The following TGFBR2 variants were observed in gnomAD, a reference collection of about 807,000 sequenced individuals.
The protein encoded by TGFBR2 is transforming growth factor beta receptor 2, also known as TGF-beta receptor type-2.
In TGFBR2, 18 loss-of-function variants were observed where a neutral mutation model predicts 49.0. The ratio of observed to expected loss-of-function variants is 0.37; its 90% CI spans 0.25 to 0.54. The LOEUF is 0.54. Ranked by LOEUF, TGFBR2 falls within the 20% of genes least tolerant of loss-of-function variation. The probability of loss-of-function intolerance (pLI) is 0.85; values close to 1 mark genes in which losing one functional copy is unlikely to be tolerated. For synonymous variants in TGFBR2, 282 were observed against 275.9 expected (o/e 1.02, Z -0.22); for missense variants, 525 against 722.6 (o/e 0.73, Z 3.13).
At chr3:30,681,160 GAAAA>G (rs55729736) in intron 5 of TGFBR2, among the ~76,000 whole-genome samples, 14 of 82,964 alleles carry the variant, frequency 1.7e-4, no homozygotes, top group South Asian at 7.2e-4. Flanking sequence ...CTTGTGAGAT[GAAAA>G]AAAAAAAAAA....
chr3:30,618,556 C>T (rs1467879272), intron 1 of TGFBR2, among the ~76,000 whole-genome samples: 1 of 152,124 alleles, frequency 6.6e-6, no homozygotes, highest in Non-Finnish European at 1.5e-5. Flanking sequence ...ATTTCTATAT[C>T]GAACTCACTG....
At chr3:30,658,911 C>T (rs959174287) in intron 3 of TGFBR2, among the ~76,000 whole-genome samples, 1 of 152,192 alleles carries the variant, frequency 6.6e-6, no homozygotes, top group Non-Finnish European at 1.5e-5. Flanking sequence ...ACTCTGTGTA[C>T]TGATCGCATG....
chr3:30,617,272 A>T (rs1698149718), intron 1 of TGFBR2, among the ~76,000 whole-genome samples: 1 of 152,196 alleles, frequency 6.6e-6, no homozygotes, highest in Non-Finnish European at 1.5e-5. Context: ...GAGTTTGCAG[A>T]CACTTGTTAG....
Position 30,628,567 on chromosome 3 carries a change from A to G in TGFBR2, c.95-16180A>G, listed in dbSNP as rs140004678. 5.1e-3 allele frequency among the ~76,000 whole-genome samples: 389 copies of G among 76,948 alleles called. 3 individuals carry two copies. Among genetic ancestry groups the G allele is most frequent in the Middle Eastern group, 0.027 (2 of 74 alleles). The allele number at this position is 76,948 out of a possible 152,430, so 50.5% of individuals were successfully genotyped here. On this transcript the variant is annotated intron_variant, in intron 1 of 6. Coordinates refer to ENST00000295754, the MANE Select transcript of TGFBR2 (RefSeq NM_003242.6). The stretch of plus-strand genomic sequence containing the variant: ...TTTTTTTTTTTTCTCTAAAATGTTA[A>G]TTTCCTTTCTTTAGGCTTGTGTGGG...
intron 3 of TGFBR2, among the ~76,000 whole-genome samples, chr3:30,655,865 C>A (rs140043100): frequency 4.2e-4 from 64 of 152,334 alleles, no homozygotes; most frequent in Non-Finnish European, 7.6e-4. Context: ...AAGACACATA[C>A]CTCTTCTGAA....
At chr3:30,642,988 T>C (rs1698671814) in intron 1 of TGFBR2, among the ~76,000 whole-genome samples, 1 of 152,216 alleles carries the variant, frequency 6.6e-6, no homozygotes, top group Non-Finnish European at 1.5e-5. Flanking sequence ...GGCTTTATTT[T>C]TTTCTTCTAT....
Position 30,614,044 on chromosome 3 carries a change from T to G in TGFBR2, c.94+7067T>G, listed in dbSNP as rs183550463. On this transcript the variant is annotated intron_variant, in intron 1 of 6. Coordinates refer to ENST00000295754, the MANE Select transcript of TGFBR2 (RefSeq NM_003242.6). Reference sequence around the variant, plus strand: ...TTTGTAGACATAGTGCTCTATTTCCTTTGGGAAATGTAGTTTTTCTTAGTT... The same window carrying G: ...TTTGTAGACATAGTGCTCTATTTCCGTTGGGAAATGTAGTTTTTCTTAGTT... Among the ~76,000 whole-genome samples the G allele has an allele frequency of 2.2e-3, 340 of 152,212 alleles. 8 individuals are homozygous for G. Among genetic ancestry groups the G allele is most frequent in the Admixed American group, 0.022 (338 of 15,282 alleles).
intron 1 of TGFBR2, among the ~76,000 whole-genome samples, chr3:30,608,740 C>T (rs866468401): frequency 6.6e-6 from 1 of 152,086 alleles, no homozygotes; most frequent in Non-Finnish European, 1.5e-5. Context: ...CATTTGAGTC[C>T]TATGGTTTTA....
At chr3:30,628,675 AT>A (rs1698382356) in intron 1 of TGFBR2, among the ~76,000 whole-genome samples, 1 of 151,708 alleles carries the variant, frequency 6.6e-6, no homozygotes, top group African/African-American at 2.4e-5. Flanking sequence ...GAATTACTTG[AT>A]ACCTTAGGAG....
At chr3:30,665,129 A>T (rs1699220784) in intron 3 of TGFBR2, among the ~76,000 whole-genome samples, 1 of 152,212 alleles carries the variant, frequency 6.6e-6, no homozygotes, top group African/African-American at 2.4e-5. Context: ...AAGGATGTTC[A>T]CATGCCAGCA....
intron 1 of TGFBR2, among the ~76,000 whole-genome samples, chr3:30,612,762 T>C (rs957895582): frequency 2.6e-5 from 4 of 152,054 alleles, no homozygotes; most frequent in Non-Finnish European, 5.9e-5. Context: ...CAACTGCTGA[T>C]GAGGGCAAGA....
intron 4 of TGFBR2, 69 bp from the exon 5 acceptor site, chr3:30,674,036 A>G: frequency 6.3e-7 from 1 of 1,597,790 alleles, no homozygotes; most frequent in Non-Finnish European, 8.6e-7. Context: ...GGCCACCATC[A>G]GCTATATTGT....
At chr3:30,651,225 A>G (rs1456973367) in intron 3 of TGFBR2, among the ~76,000 whole-genome samples, 1 of 152,222 alleles carries the variant, frequency 6.6e-6, no homozygotes, top group Non-Finnish European at 1.5e-5. Context: ...ACAATCCAAC[A>G]GTGTGTGAAA....
chr3:30,681,609 C>T (rs1699542179), intron 5 of TGFBR2, among the ~76,000 whole-genome samples: 1 of 151,942 alleles, frequency 6.6e-6, no homozygotes, highest in Non-Finnish European at 1.5e-5. Context: ...AGAGAGGTGG[C>T]GGGAGGGAGA....
In TGFBR2 at chr3:30,681,167, A is replaced by G. The variant is rs755906092; in HGVS notation, c.1396+6921A>G. On this transcript the variant is annotated intron_variant, in intron 5 of 6. Transcript: ENST00000295754. ...GCTGCAGCCTTGTGAGATGAAAAAA[A>G]AAAAAAAAAAAAAAGTGCAAATGAA... Among the ~76,000 whole-genome samples the G allele has an allele frequency of 3.2e-3, 468 of 147,390 alleles. 1 individual carries two copies. Among genetic ancestry groups the G allele is most frequent in the Non-Finnish European group, 5.5e-3 (370 of 67,822 alleles).
chr3:30,634,120 C>G (rs950531650), intron 1 of TGFBR2, among the ~76,000 whole-genome samples: 1 of 152,184 alleles, frequency 6.6e-6, no homozygotes, highest in Non-Finnish European at 1.5e-5. Flanking sequence ...GAAGCAAAAG[C>G]CTCCACGGAG....
intron 1 of TGFBR2, among the ~76,000 whole-genome samples, chr3:30,609,318 C>T (rs1697990223): frequency 1.3e-5 from 2 of 152,150 alleles, no homozygotes; most frequent in Admixed American, 6.5e-5. Flanking sequence ...CAGAATTTCT[C>T]TAACGTAATT....
chr3:30,652,049 G>T (rs1698899443), intron 3 of TGFBR2, among the ~76,000 whole-genome samples: 1 of 152,112 alleles, frequency 6.6e-6, no homozygotes. Flanking sequence ...TTCTCTTCCT[G>T]TGTCCTTCAC....
intron 3 of TGFBR2, among the ~76,000 whole-genome samples, chr3:30,668,077 A>G (rs1018476871): frequency 6.6e-6 from 1 of 152,222 alleles, no homozygotes; most frequent in Non-Finnish European, 1.5e-5. Flanking sequence ...TTCTTAGGTC[A>G]TAGGACTATA....
Sources: gnomAD v4.1 joint callset for allele counts (sites outside exome capture counted in the v4.1 genomes callset) on GRCh38, gnomAD v4.1.1 for gene constraint, MANE v1.5 for transcripts, NCBI Gene and HGNC (gene_info 2026-07-23, HGNC 2026-07-21) for gene names.